Variants in LAMC3 observed in about 807,000 individuals in gnomAD.
LAMC3 encodes the protein laminin subunit gamma-3.
In LAMC3, 128 loss-of-function variants were observed where a neutral mutation model predicts 173.8. The ratio of observed to expected loss-of-function variants is 0.74; its 90% confidence interval spans 0.64 to 0.85. The LOEUF (loss-of-function observed/expected upper bound fraction) is 0.85, where lower values mean the gene tolerates loss of function less well. LAMC3 is among the 40% of genes least tolerant of loss of function. LAMC3 has a pLI of 0.00. For synonymous variants in LAMC3, 897 were observed against 909.1 expected (o/e 0.99, Z 0.24); for missense variants, 2,022 against 2,156.0 (o/e 0.94, Z 1.23).
chr9:131,045,412 T>C, intron 7 of LAMC3, 112 bp from the exon 8 acceptor site: 1 of 1,283,254 alleles, frequency 7.8e-7, no homozygotes, highest in Non-Finnish European at 1.1e-6. Context: ...AAATTGTTTT[T>C]AAGTTTCTGC....
chr9:131,069,049 G>C lies in LAMC3; in HGVS notation c.2889G>C (p.Arg963=), dbSNP rs1279935356. ...TCGGCTTCTCCATCAAGGGCTGCCG[G>C]GGTAAGGAGGCTGGGTCCTTCCCGG... ...GFFGFSIKGC[R]ACRCSPLGAA... The change falls in exon 16 of 28, where the codon CGG becomes CGC. Residue 963 remains arginine, a splice_region_variant and synonymous_variant. Coordinates refer to ENST00000361069, the MANE Select transcript of LAMC3 (RefSeq NM_006059.4). 1 of 1,613,322 alleles carries C rather than the reference G, an allele frequency of 6.2e-7. No homozygotes were observed. The highest frequency in any genetic ancestry group is 8.5e-7 in the Non-Finnish European group (1 of 1,179,922).
At chr9:131,011,395 A>C (rs1466044127) in intron 1 of LAMC3, among the ~76,000 whole-genome samples, 1 of 152,188 alleles carries the variant, frequency 6.6e-6, no homozygotes, top group East Asian at 1.9e-4. Context: ...TGGACATCAG[A>C]GGTCAGAGCA....
Position 131,086,575 on chromosome 9 carries a change from C to CTTT in LAMC3, c.4230+862_4230+864dup, listed in dbSNP as rs778812487. 4.6e-4 allele frequency among the ~76,000 whole-genome samples: 43 copies of CTTT among 92,480 alleles called. 4 individuals carry two copies. The highest frequency in any genetic ancestry group is 1.7e-3 in the African/African-American group (37 of 21,422). The allele number at this position is 92,480 out of a possible 152,430, so 60.7% of individuals were successfully genotyped here. On this transcript the variant is annotated intron_variant, in intron 25 of 27. Coordinates refer to ENST00000361069, the MANE Select transcript of LAMC3 (RefSeq NM_006059.4). ...GGTGTGTGCCACTGTGCCTGGCTAA[C>CTTT]TTTTTTTTTTTTGCAGAGATGAGGA...
rs1830443797 is a variant in LAMC3, at chr9:131,092,540, A to G, written c.*753A>G. 1 of 152,530 alleles carries G rather than the reference A, an allele frequency of 6.6e-6. No homozygotes were observed. 9.4% of individuals were successfully genotyped at this position (152,530 alleles called of 1,614,324 possible). A position where few individuals can be genotyped will look rare whatever the true frequency, so the allele number is the denominator to read the frequency against. The stretch of plus-strand genomic sequence containing the variant: ...TCCTGGCGGGGGTGTCATTGCCTTC[A>G]CCGGACGCTTCCCTCTCAGGGTCCT... On this transcript the variant is annotated 3_prime_UTR_variant, in exon 28 of 28. Transcript: ENST00000361069.
intron 9 of LAMC3, among the ~76,000 whole-genome samples, chr9:131,050,535 T>TG (rs952656398): frequency 1.6e-4 from 25 of 151,746 alleles, no homozygotes; most frequent in Non-Finnish European, 2.9e-4. Context: ...AGGCTGAGGT[T>TG]GGGGGGGATC....
rs73658920 is a variant in LAMC3 at position 131,082,966 on chromosome 9, T to C, written c.4030+805T>C. Among the ~76,000 whole-genome samples the C allele has an allele frequency of 5.3e-3, 807 of 152,316 alleles. 7 individuals carry two copies. Among genetic ancestry groups the C allele is most frequent in the African/African-American group, 0.019 (773 of 41,578 alleles). On this transcript the variant is annotated intron_variant, in intron 24 of 27. Coordinates refer to ENST00000361069, the MANE Select transcript of LAMC3 (RefSeq NM_006059.4). ...GAGGATGGGCTGGTCAGTGCTCCTGTTCCCCAGCTTCCTGGCGGCTTGAAG... is the reference window on the plus strand; with the variant it reads ...GAGGATGGGCTGGTCAGTGCTCCTGCTCCCCAGCTTCCTGGCGGCTTGAAG...
At chr9:131,057,204 T>C (rs2133291506) in intron 12 of LAMC3, 57 bp downstream of exon 12, 1 of 1,476,944 alleles carries the variant, frequency 6.8e-7, no homozygotes, top group African/African-American at 1.4e-5. Flanking sequence ...AACAGCGGGA[T>C]GAGTACTGAC....
intron 20 of LAMC3, among the ~76,000 whole-genome samples, chr9:131,074,199 C>T (rs1436016442): frequency 6.6e-6 from 1 of 151,186 alleles, no homozygotes; most frequent in Non-Finnish European, 1.5e-5. Flanking sequence ...CCACCTGTCT[C>T]GGCCTCCCAA....
In LAMC3 at chr9:131,052,905, C is replaced by T. The variant is rs370498033; in HGVS notation, c.1879C>T (p.Arg627Trp). 10 of 1,613,822 alleles carry T rather than the reference C, an allele frequency of 6.2e-6. No homozygotes were observed. The highest frequency in any genetic ancestry group is 2.2e-5 in the East Asian group (1 of 44,882). The change falls in exon 11 of 28, where the codon CGG (arginine) becomes TGG (tryptophan). Residue 627 changes from arginine to tryptophan, a missense_variant. Transcript: ENST00000361069. ...TCCACTGCCCCCCTTCCACTTCCAG[C>T]GGCTCCTCGCCAACCTGACCAGCCT... ...APPLPPFHFQRLLANLTSLRL... is the reference protein window; with the variant it reads ...APPLPPFHFQWLLANLTSLRL...
chr9:131,048,108 G>C (rs937186057), intron 8 of LAMC3, among the ~76,000 whole-genome samples: 3 of 136,164 alleles, frequency 2.2e-5, no homozygotes, highest in Non-Finnish European at 3.1e-5. Context: ...CCAGGCTGGA[G>C]TGCAGTGGCA....
intron 1 of LAMC3, among the ~76,000 whole-genome samples, chr9:131,012,534 C>T (rs184455155): frequency 2.6e-5 from 4 of 152,358 alleles, no homozygotes; most frequent in Non-Finnish European, 2.9e-5. Flanking sequence ...GACATCCTGA[C>T]GCTGGTCTCT....
chr9:131,077,375 G>T, intron 22 of LAMC3, 41 bp downstream of exon 22: 1 of 1,610,064 alleles, frequency 6.2e-7, no homozygotes, highest in Non-Finnish European at 8.5e-7. Context: ...GGGTCGGGAG[G>T]ATCTATTATA....
intron 3 of LAMC3, among the ~76,000 whole-genome samples, chr9:131,032,561 T>TCTCTCTTGCTCTCTCTCG (rs1833853183): frequency 2.3e-5 from 3 of 133,212 alleles, no homozygotes; most frequent in Non-Finnish European, 4.5e-5. Context: ...TCTCTCGCTC[T>TCTCTCTTGCTCTCTCTCG]CTCTCTTGCT....
At position 131,056,935 on chromosome 9, in the gene LAMC3, T is replaced by C. The variant is rs774055540; in HGVS notation, c.1946T>C (p.Val649Ala). 6 of 1,612,374 alleles carry C rather than the reference T, an allele frequency of 3.7e-6. No homozygotes were observed. The Middle Eastern group carries it at 6.6e-4, about 177-fold the overall frequency. ...VSPGPSPAGP[V>A]FLTEVRLTSA... Reference sequence around the variant, plus strand: ...CTCCCTTCTCGCTCTGCAGGTCCAGTGTTCCTGACTGAGGTCCGGCTCACA... The same window carrying C: ...CTCCCTTCTCGCTCTGCAGGTCCAGCGTTCCTGACTGAGGTCCGGCTCACA... The change falls in exon 12 of 28, where the codon GTG (valine) becomes GCG (alanine). Residue 649 changes from valine to alanine, a missense_variant. Coordinates refer to ENST00000361069, the MANE Select transcript of LAMC3 (RefSeq NM_006059.4).
chr9:131,014,260 C>CTCCTCCAGCGCCTTACATG (rs1325349515), intron 1 of LAMC3, among the ~76,000 whole-genome samples: 1 of 152,282 alleles, frequency 6.6e-6, no homozygotes, highest in Non-Finnish European at 1.5e-5. Context: ...GGCACTCTCT[C>CTCCTCCAGCGCCTTACATG]TCCTCCAGCG....
rs532693550 is a variant in LAMC3 at position 131,050,263 on chromosome 9, G to A, written c.1630+1133G>A. On this transcript the variant is annotated intron_variant, in intron 9 of 27. Transcript: ENST00000361069. ...GGTGCTCTCAGGCCGGCCCGCTCCCGGGGCACCCTGAGCAGCTGGAGGTGA... is the reference window on the plus strand; with the variant it reads ...GGTGCTCTCAGGCCGGCCCGCTCCCAGGGCACCCTGAGCAGCTGGAGGTGA... Among the ~76,000 whole-genome samples, 19 of 152,350 alleles carry A rather than the reference G, an allele frequency of 1.2e-4. No individual in the cohort carries two copies. The East Asian group carries it at 2.9e-3, about 23-fold the overall frequency.
intron 11 of LAMC3, 104 bp downstream of exon 11, chr9:131,053,069 G>A: frequency 1.1e-6 from 1 of 883,718 alleles, no homozygotes; most frequent in Non-Finnish European, 1.8e-6. Flanking sequence ...GCGGCCGGGT[G>A]GTTATTGTCC....
Position 131,085,531 on chromosome 9 carries a change from G to T in LAMC3, c.4038G>T (p.Lys1346Asn), listed in dbSNP as rs1460197610. Residue 1346 changes from lysine to asparagine, a missense_variant, in exon 25 of 28, where the codon AAG becomes AAT. Physicochemically the swap from Lys to Asn is moderately conservative, Grantham distance 94 (BLOSUM62 0). Transcript: ENST00000361069. ...CCTCAGCCGGGTTTGCAGGAATGAA[G>T]CTGCAGTTTCCCCGGCCCAAGGACC... ...RTLLADLEGM[K>N]LQFPRPKDQA... The T allele has an allele frequency of 1.9e-6, 3 of 1,613,802 alleles. No homozygotes were observed. The South Asian group carries it at 3.3e-5, about 18-fold the overall frequency.
At chr9:131,044,471 C>T (rs12380338) in intron 7 of LAMC3, among the ~76,000 whole-genome samples, 29,620 of 152,126 alleles carry the variant, frequency 0.19, 3,570 homozygotes, top group Admixed American at 0.26. Flanking sequence ...AATCGTGCCA[C>T]TGCACTCCAG....
Sources: gnomAD v4.1 joint callset for allele counts (sites outside exome capture counted in the v4.1 genomes callset) on GRCh38, gnomAD v4.1.1 for gene constraint, MANE v1.5 for transcripts, NCBI Gene and HGNC (gene_info 2026-07-23, HGNC 2026-07-21) for gene names.